LRP2: variants seen among roughly 807,000 people sequenced by gnomAD.
The protein encoded by LRP2 is low-density lipoprotein receptor-related protein 2.
Under a neutral mutation model 531.0 loss-of-function variants are expected in LRP2, and 172 were observed. That is an observed-to-expected ratio of 0.32 (90% confidence interval 0.29 to 0.37). The LOEUF is 0.37. Among genes scored for constraint, LRP2 ranks in the 10% least tolerant of loss-of-function variants. The probability of loss-of-function intolerance (pLI) is 1.00; values close to 1 mark genes in which losing one functional copy is unlikely to be tolerated. For missense variants in LRP2, 5,167 were observed against 5,868.3 expected (o/e 0.88, Z 3.90); for synonymous variants, 1,992 against 2,027.6 (o/e 0.98, Z 0.47).
chr2:169,330,947 T>C (rs962177934), intron 1 of LRP2, among the ~76,000 whole-genome samples: 2 of 152,020 alleles, frequency 1.3e-5, no homozygotes, highest in South Asian at 4.2e-4. Context: ...TAAGAGCACC[T>C]AGGATTGGGC....
chr2:169,312,180 T>C (rs1490261018), intron 3 of LRP2, among the ~76,000 whole-genome samples: 1 of 152,086 alleles, frequency 6.6e-6, no homozygotes, highest in Non-Finnish European at 1.5e-5. Flanking sequence ...TGTCTTTTAA[T>C]TGGAGCATTT....
At chr2:169,313,214 CA>C (rs1684665795) in intron 3 of LRP2, among the ~76,000 whole-genome samples, 1 of 152,180 alleles carries the variant, frequency 6.6e-6, no homozygotes, top group South Asian at 2.1e-4. Context: ...TCTCAACTCT[CA>C]AAGTCACTCT....
At chr2:169,259,238 A>G in intron 16 of LRP2, 21 bp from the exon 17 acceptor site, 1 of 1,587,370 alleles carries the variant, frequency 6.3e-7, no homozygotes, top group Non-Finnish European at 8.6e-7. Context: ...AAATATGGAC[A>G]TATTTTAAGC....
chr2:169,315,173 C>T (rs763733966), intron 3 of LRP2, among the ~76,000 whole-genome samples: 4 of 152,200 alleles, frequency 2.6e-5, no homozygotes, highest in Non-Finnish European at 5.9e-5. Context: ...TCATTAATTA[C>T]ACAAACATCT....
In LRP2 at chr2:169,241,052, A is replaced by G. The variant is rs761680092; in HGVS notation, c.3981T>C (p.Asn1327=). ...WQCLGHNICV[N]LSVVCDGIFD... is the part of the protein sequence containing the mutation. Reference sequence around the variant, plus strand: ...AGATGCCATCACACACTACACTCAGATTCACACAGATGTTATGGCCAAGAC... The same window carrying G: ...AGATGCCATCACACACTACACTCAGGTTCACACAGATGTTATGGCCAAGAC... Residue 1327 remains asparagine, a synonymous_variant, in exon 25 of 79, where the codon AAT becomes AAC. Transcript: ENST00000649046. 1.9e-6 allele frequency: 3 copies of G among 1,614,192 alleles called. No homozygotes were observed. The highest frequency in any genetic ancestry group is 2.2e-5 in the East Asian group (1 of 44,890).
chr2:169,170,446 A>G lies in LRP2; in HGVS notation c.11380+105T>C, dbSNP rs947868813. The stretch of plus-strand genomic sequence containing the variant: ...TTATGCTAAGGTTTACATATTACAC[A>G]TATACAAAAATAATTTTCCTCTAAA... On this transcript the variant is annotated intron_variant, in intron 59 of 78. Coordinates refer to ENST00000649046, the MANE Select transcript of LRP2 (RefSeq NM_004525.3). 2.1e-5 allele frequency: 18 copies of G among 841,814 alleles called. No homozygotes were observed. The East Asian group carries it at 3.9e-4, about 18-fold the overall frequency. 52.1% of individuals were successfully genotyped at this position (841,814 alleles called of 1,614,324 possible).
intron 16 of LRP2, among the ~76,000 whole-genome samples, chr2:169,260,211 G>A (rs1216949316): frequency 1.3e-5 from 2 of 152,094 alleles, no homozygotes; most frequent in African/African-American, 4.8e-5. Context: ...AAGAGGAGGA[G>A]GCAACTAGGC....
At position 169,238,149 on chromosome 2, in the gene LRP2, G is replaced by A. The variant is rs1689672763; in HGVS notation, c.4448C>T (p.Ser1483Phe). The A allele has an allele frequency of 6.2e-7, 1 of 1,614,002 alleles. No homozygotes were observed. The highest frequency in any genetic ancestry group is 8.5e-7 in the Non-Finnish European group (1 of 1,180,006). ...CCAGGTTTTACCCTGAGTTGCATCA[G>A]ACCAAAAGATACGACCACTAATTGA... ...FDSISGRIFW[S>F]DATQGKTWSA... Residue 1483 changes from serine to phenylalanine, a missense_variant, in exon 27 of 79, where the codon TCT (serine) becomes TTT (phenylalanine). Physicochemically the swap from Ser to Phe is radical, Grantham distance 155. This residue lies in a region of LRP2 where 2,811 missense variants were observed against 3,058.0 expected (regional missense o/e 0.92). Coordinates refer to ENST00000649046, the MANE Select transcript of LRP2 (RefSeq NM_004525.3).
chr2:169,338,880 TTACTAA>T (rs1685491575), intron 1 of LRP2, among the ~76,000 whole-genome samples: 1 of 152,226 alleles, frequency 6.6e-6, no homozygotes. Flanking sequence ...GCTCCACCTC[TTACTAA>T]CTATCTGACA....
At chr2:169,302,478 G>C (rs830966) in intron 4 of LRP2, among the ~76,000 whole-genome samples, 97,258 of 151,946 alleles carry the variant, frequency 0.64, 31,657 homozygotes, top group East Asian at 0.8. Context: ...ATTTGACAAC[G>C]TCCAGAGACA....
chr2:169,198,805 A>G lies in LRP2; in HGVS notation c.8559T>C (p.Asp2853=), dbSNP rs377675619. Residue 2853 remains aspartate, a synonymous_variant, in exon 45 of 79, where the codon GAT becomes GAC. Transcript: ENST00000649046. ...DGDNDCGDNS[D]ENPTYCTTHT... ...ACTCACTGCAATAAGTAGGGTTTTC[A>G]TCACTGTTATCTCCACAGTCATTGT... 3 of 1,613,970 alleles carry G rather than the reference A, an allele frequency of 1.9e-6. No individual in the cohort carries two copies. The highest frequency in any genetic ancestry group is 2.5e-6 in the Non-Finnish European group (3 of 1,179,880).
intron 77 of LRP2, 79 bp from the exon 78 acceptor site, chr2:169,129,163 A>T (rs973141080): frequency 3.7e-6 from 4 of 1,071,316 alleles, no homozygotes; most frequent in Non-Finnish European, 4.4e-6. Context: ...TCTCAGTTTT[A>T]AAATTTCTTC....
chr2:169,271,654 C>CACACAG (rs1683420750), intron 15 of LRP2: 1 of 685,594 alleles, frequency 1.5e-6, no homozygotes, highest in African/African-American at 2.1e-5. Flanking sequence ...CACACACACA[C>CACACAG]AGAAACCTTT....
At chr2:169,143,618 C>T (rs1363728098) in intron 70 of LRP2, among the ~76,000 whole-genome samples, 1 of 152,170 alleles carries the variant, frequency 6.6e-6, no homozygotes, top group Non-Finnish European at 1.5e-5. Context: ...TGCACTCCAG[C>T]CAGGGCGACA....
intron 1 of LRP2, among the ~76,000 whole-genome samples, chr2:169,336,546 A>T (rs1685410276): frequency 6.6e-6 from 1 of 151,596 alleles, no homozygotes; most frequent in South Asian, 2.1e-4. Flanking sequence ...TCACACACAC[A>T]CACACACACA....
Position 169,241,163 on chromosome 2 carries a change from A to G in LRP2, c.3870T>C (p.Cys1290=). 1 of 1,614,200 alleles carries G rather than the reference A, an allele frequency of 6.2e-7. No individual in the cohort carries two copies. The highest frequency in any genetic ancestry group is 8.5e-7 in the Non-Finnish European group (1 of 1,180,040). ...NGNCIHRAWL[C]DRDNDCGDMS... ...TATCCCCGCAGTCATTGTCCCGATC[A>G]CAGAGCCATGCCCTGTGGATGCAGT... is the stretch of plus-strand genomic sequence containing the variant. Residue 1290 remains cysteine (C), a synonymous_variant, in exon 25 of 79, where the codon TGT becomes TGC. Coordinates refer to ENST00000649046, the MANE Select transcript of LRP2 (RefSeq NM_004525.3).
chr2:169,233,347 A>G, intron 30 of LRP2, 64 bp downstream of exon 30: 7 of 1,569,062 alleles, frequency 4.5e-6, no homozygotes, highest in South Asian at 1.1e-5. Context: ...GTGTGCATTT[A>G]GCATTCCCAG....
At chr2:169,165,352 T>C (rs1034509398) in intron 62 of LRP2, among the ~76,000 whole-genome samples, 1 of 152,230 alleles carries the variant, frequency 6.6e-6, no homozygotes, top group Admixed American at 6.5e-5. Flanking sequence ...GCAGAAAAAG[T>C]ACAGCTATTT....
chr2:169,332,882 A>G (rs1230061870), intron 1 of LRP2, among the ~76,000 whole-genome samples: 1 of 152,216 alleles, frequency 6.6e-6, no homozygotes, highest in African/African-American at 2.4e-5. Context: ...TTATTCACAC[A>G]AACACTAAAC....
Sources: allele counts gnomAD v4.1 joint callset (sites outside exome capture counted in the v4.1 genomes callset), GRCh38; gene constraint gnomAD v4.1.1; regional missense constraint gnomAD v4.1.1; transcripts MANE v1.5; gene names NCBI Gene and HGNC (gene_info 2026-07-23, HGNC 2026-07-21).